The following TNIK variants were observed in gnomAD, a reference collection of about 807,000 sequenced individuals.
The protein encoded by TNIK is TRAF2 and NCK interacting kinase.
TNIK carries 49 observed loss-of-function variants against 191.3 expected under a neutral mutation model. That is an observed-to-expected ratio of 0.26 (90% CI 0.20 to 0.32). The LOEUF is 0.32. Ranked by LOEUF, TNIK falls within the 10% of genes least tolerant of loss-of-function variation. The probability of loss-of-function intolerance (pLI) is 1.00; values close to 1 mark genes in which losing one functional copy is unlikely to be tolerated. For synonymous variants in TNIK, 594 were observed against 600.9 expected (o/e 0.99, Z 0.17); for missense variants, 1,155 against 1,702.3 (o/e 0.68, Z 5.66).
At chr3:171,390,182 T>A (rs1183353268) in intron 1 of TNIK, among the ~76,000 whole-genome samples, 1 of 152,144 alleles carries the variant, frequency 6.6e-6, no homozygotes, top group African/African-American at 2.4e-5. Flanking sequence ...CAAAGCCTAG[T>A]GAGTGAGGTG....
chr3:171,087,638 A>G (rs1330954393), intron 23 of TNIK, 132 bp from the exon 24 acceptor site: 1 of 1,001,804 alleles, frequency 1.0e-6, no homozygotes, highest in Admixed American at 2.5e-5. Flanking sequence ...TGATATTCAC[A>G]TTTCTATTTT....
chr3:171,236,568 G>T (rs1744292883), intron 2 of TNIK, among the ~76,000 whole-genome samples: 1 of 152,176 alleles, frequency 6.6e-6, no homozygotes, highest in Non-Finnish European at 1.5e-5. Flanking sequence ...TCCAGACGCT[G>T]CCCTGCCAAC....
At chr3:171,150,429 AG>A (rs1301234568) in intron 12 of TNIK, among the ~76,000 whole-genome samples, 8 of 152,170 alleles carry the variant, frequency 5.3e-5, no homozygotes, top group Non-Finnish European at 7.4e-5. Context: ...TTTTGGTGAA[AG>A]GGTCACTCGG....
chr3:171,229,809 C>T (rs1194663247), intron 2 of TNIK, among the ~76,000 whole-genome samples: 1 of 152,060 alleles, frequency 6.6e-6, no homozygotes, highest in Non-Finnish European at 1.5e-5. Flanking sequence ...AAGAAGGGGA[C>T]AGTAGGTCAG....
chr3:171,105,430 C>T (rs1457405325), intron 21 of TNIK, among the ~76,000 whole-genome samples: 2 of 152,136 alleles, frequency 1.3e-5, no homozygotes, highest in African/African-American at 4.8e-5. Flanking sequence ...CCAAATGTCT[C>T]CTAAGGGAAG....
chr3:171,078,004 A>G (rs1371848598), intron 28 of TNIK, among the ~76,000 whole-genome samples: 5 of 152,190 alleles, frequency 3.3e-5, no homozygotes, highest in Admixed American at 6.5e-5. Context: ...AAGCTTCTAT[A>G]TTGCTGCTGA....
chr3:171,274,712 A>G lies in TNIK; in HGVS notation c.124-46491T>C, dbSNP rs115792951. 4.0e-3 allele frequency among the ~76,000 whole-genome samples: 613 copies of G among 152,298 alleles called. 2 individuals carry two copies. The highest frequency in any genetic ancestry group is 0.014 in the African/African-American group (591 of 41,542). On this transcript the variant is annotated intron_variant, in intron 2 of 32. Coordinates refer to ENST00000436636, the MANE Select transcript of TNIK (RefSeq NM_015028.4). Reference sequence around the variant, plus strand: ...AAAACAATATTGTGACTACCAATTGACCACACAAGTTGATCTTGATCTTCT... The same window carrying G: ...AAAACAATATTGTGACTACCAATTGGCCACACAAGTTGATCTTGATCTTCT...
chr3:171,386,165 C>A (rs1030410534), intron 1 of TNIK, among the ~76,000 whole-genome samples: 4 of 152,124 alleles, frequency 2.6e-5, no homozygotes, highest in African/African-American at 9.7e-5. Context: ...CCAAGATCAA[C>A]AACAAGAAAA....
chr3:171,166,248 A>G (rs746062840), intron 10 of TNIK, among the ~76,000 whole-genome samples: 9 of 152,216 alleles, frequency 5.9e-5, no homozygotes, highest in Non-Finnish European at 1.0e-4. Flanking sequence ...TCTTCACCAT[A>G]TAAGAATCTT....
At chr3:171,441,451 T>G (rs574442691) in intron 1 of TNIK, among the ~76,000 whole-genome samples, 52 of 152,368 alleles carry the variant, frequency 3.4e-4, no homozygotes, top group Non-Finnish European at 6.5e-4. Flanking sequence ...CATAACATTT[T>G]GAGGTTCATG....
chr3:171,367,315 ACAG>A (rs1466396071), intron 2 of TNIK, among the ~76,000 whole-genome samples: 2 of 152,206 alleles, frequency 1.3e-5, no homozygotes, highest in East Asian at 3.8e-4. Flanking sequence ...ACTCAGAATG[ACAG>A]CAGGACTGGA....
At chr3:171,079,198 G>A (rs200438937) in intron 28 of TNIK, among the ~76,000 whole-genome samples, 9 of 151,958 alleles carry the variant, frequency 5.9e-5, no homozygotes, top group East Asian at 5.8e-4. Context: ...CGATTTTACC[G>A]ACATTTCTTC....
intron 1 of TNIK, among the ~76,000 whole-genome samples, chr3:171,393,588 G>C (rs1448191357): frequency 2.0e-5 from 3 of 152,176 alleles, no homozygotes; most frequent in Non-Finnish European, 4.4e-5. Flanking sequence ...AATCCAAAGG[G>C]AATAACGTTA....
At chr3:171,066,955 G>A (rs1718517887) in intron 30 of TNIK, among the ~76,000 whole-genome samples, 1 of 152,140 alleles carries the variant, frequency 6.6e-6, no homozygotes, top group Admixed American at 6.5e-5. Flanking sequence ...AAAAGAGCAT[G>A]TAAATCTATG....
At chr3:171,409,258 A>T (rs1722097462) in intron 1 of TNIK, among the ~76,000 whole-genome samples, 1 of 152,218 alleles carries the variant, frequency 6.6e-6, no homozygotes, top group Non-Finnish European at 1.5e-5. Flanking sequence ...TAAGATAAAG[A>T]AAAACAAGTG....
intron 1 of TNIK, among the ~76,000 whole-genome samples, chr3:171,443,655 C>A (rs186901077): frequency 1.7e-3 from 238 of 143,526 alleles, no homozygotes; most frequent in Admixed American, 2.5e-3. Context: ...CCCATCTCTA[C>A]AAAAAAAAAA....
At chr3:171,164,111 CTAAACAGGCTTAGATTCCTTAAATTACT>C (rs1248919234) in intron 10 of TNIK, among the ~76,000 whole-genome samples, 2 of 152,332 alleles carry the variant, frequency 1.3e-5, no homozygotes, top group East Asian at 3.9e-4. Flanking sequence ...GGCCCTAAGC[CTAAACAGGCTTAGATTCCTTAAATTACT>C]ACATAACTCT....
chr3:171,212,736 T>C (rs1310840850), intron 3 of TNIK, among the ~76,000 whole-genome samples: 1 of 152,114 alleles, frequency 6.6e-6, no homozygotes, highest in Non-Finnish European at 1.5e-5. Context: ...TGTGAATAAA[T>C]GCAACTAAAA....
At chr3:171,177,424 A>C in intron 7 of TNIK, 44 bp from the exon 8 acceptor site, 3 of 1,579,286 alleles carry the variant, frequency 1.9e-6, no homozygotes, top group Non-Finnish European at 2.6e-6. Context: ...CAGTCAACAA[A>C]GGACAACTTG....
Sources: allele counts gnomAD v4.1 joint callset (sites outside exome capture counted in the v4.1 genomes callset), GRCh38; gene constraint gnomAD v4.1.1; transcripts MANE v1.5; gene names NCBI Gene and HGNC (gene_info 2026-07-23, HGNC 2026-07-21).